The following RC3H1 variants were observed in gnomAD, a reference collection of about 807,000 sequenced individuals.
RC3H1 encodes ring finger and CCCH-type domains 1.
In RC3H1, 50 loss-of-function variants were observed where a neutral mutation model predicts 138.2. The ratio of observed to expected loss-of-function variants is 0.36; its 90% CI spans 0.29 to 0.46. The LOEUF (loss-of-function observed/expected upper bound fraction) is 0.46. Ranked by LOEUF, RC3H1 falls within the 20% of genes least tolerant of loss-of-function variation. The probability of loss-of-function intolerance (pLI) is 1.00; values close to 1 mark genes in which losing one functional copy is unlikely to be tolerated. For synonymous variants in RC3H1, 462 were observed against 489.1 expected, an observed-to-expected ratio of 0.94 and a Z score of 0.73; for missense variants, 1,031 against 1,388.1, an observed-to-expected ratio of 0.74 and a Z score of 4.09.
At chr1:173,977,242 A>G (rs1219894058) in intron 7 of RC3H1, among the ~76,000 whole-genome samples, 1 of 152,120 alleles carries the variant, frequency 6.6e-6, no homozygotes, top group Non-Finnish European at 1.5e-5. Context: ...GATTTCTTTT[A>G]CAGCAGTAAG....
chr1:173,980,688 G>T, intron 6 of RC3H1, 121 bp downstream of exon 6: 1 of 588,420 alleles, frequency 1.7e-6, no homozygotes, highest in South Asian at 3.2e-5. Context: ...GTTATGACAT[G>T]ACACTGGCTA....
chr1:173,948,905 C>G (rs774030935), intron 14 of RC3H1, among the ~76,000 whole-genome samples: 1 of 151,974 alleles, frequency 6.6e-6, no homozygotes, highest in Non-Finnish European at 1.5e-5. Flanking sequence ...TAATTCTTTA[C>G]TGATTTAAGA....
At position 173,931,514 on chromosome 1, in the gene RC3H1, C is replaced by A. The variant is rs1194139488; in HGVS notation, c.*7207G>T. 6.6e-6 allele frequency: 1 copy of A among 152,246 alleles called. No individual in the cohort carries two copies. Among genetic ancestry groups the A allele is most frequent in the African/African-American group, 2.4e-5 (1 of 41,548 alleles). The allele number at this position is 152,246 out of a possible 1,614,324, so 9.4% of individuals were successfully genotyped here. A position where few individuals can be genotyped will look rare whatever the true frequency, so the allele number is the denominator to read the frequency against. On this transcript the variant is annotated 3_prime_UTR_variant, in exon 20 of 20. Transcript: ENST00000367696. ...CCCTAGTACTCTCAAAAATCGGCAA[C>A]AAGTGGGAACATGTACTTATTTAGA...
At chr1:173,993,634 C>A (rs1488606466) in intron 1 of RC3H1, among the ~76,000 whole-genome samples, 1 of 151,830 alleles carries the variant, frequency 6.6e-6, no homozygotes. Context: ...CTCAGATGAT[C>A]CTCCCGCCTT....
At chr1:173,947,858 T>G (rs1207632411) in intron 14 of RC3H1, among the ~76,000 whole-genome samples, 2 of 151,996 alleles carry the variant, frequency 1.3e-5, no homozygotes, top group African/African-American at 4.8e-5. Flanking sequence ...TCCTCCCACC[T>G]CAGCCTCCTA....
Position 174,022,336 on chromosome 1 carries a change from C to T in RC3H1, c.-391G>A. 4 of 380,028 alleles carry T rather than the reference C, an allele frequency of 1.1e-5. No individual in the cohort carries two copies. Among genetic ancestry groups the T allele is most frequent in the East Asian group, 3.8e-5 (1 of 26,352 alleles). The allele number at this position is 380,028 out of a possible 1,614,324, so 23.5% of individuals were successfully genotyped here. On this transcript the variant is annotated 5_prime_UTR_variant, in exon 1 of 20. Coordinates refer to ENST00000367696, the MANE Select transcript of RC3H1 (RefSeq NM_172071.4). The surrounding 1 kb of genome is among the most constrained non-coding windows in gnomAD (Gnocchi z 4.2). ...CCTCCTCTTCCTCCTCCTCGTCCTC[C>T]GCCGCCCAGTCGCTCGTTGTCCTCG...
At chr1:173,984,855 C>T (rs966382485) in intron 2 of RC3H1, among the ~76,000 whole-genome samples, 9 of 152,106 alleles carry the variant, frequency 5.9e-5, no homozygotes, top group African/African-American at 2.2e-4. Flanking sequence ...GTTTAAAGTA[C>T]ATACAATTCC....
At chr1:173,964,769 T>G in intron 10 of RC3H1, 70 bp downstream of exon 10, 1 of 1,330,696 alleles carries the variant, frequency 7.5e-7, no homozygotes, top group Non-Finnish European at 1.0e-6. Flanking sequence ...ATCCCAAACA[T>G]TAATTATTCT....
intron 13 of RC3H1, among the ~76,000 whole-genome samples, chr1:173,957,446 C>T (rs886672693): frequency 2.0e-5 from 3 of 152,178 alleles, no homozygotes; most frequent in African/African-American, 7.2e-5. Flanking sequence ...TCAGTTTTTA[C>T]AATGTCATAT....
chr1:173,950,420 CAAAAA>C (rs60259705), intron 14 of RC3H1, among the ~76,000 whole-genome samples: 10 of 63,660 alleles, frequency 1.6e-4, no homozygotes, highest in East Asian at 1.1e-3. Flanking sequence ...TCATCTCTAC[CAAAAA>C]AAAAAAAAAA....
chr1:173,944,221 A>G (rs1571167240), intron 17 of RC3H1, among the ~76,000 whole-genome samples: 2 of 151,944 alleles, frequency 1.3e-5, no homozygotes, highest in African/African-American at 4.8e-5. Flanking sequence ...AGTCAACTAC[A>G]GATGTGCATC....
chr1:174,019,719 T>G (rs772901208), intron 1 of RC3H1, among the ~76,000 whole-genome samples: 10 of 152,174 alleles, frequency 6.6e-5, no homozygotes, highest in Admixed American at 1.3e-4. Flanking sequence ...TGAGAAAATG[T>G]GAACTTAAGT....
intron 9 of RC3H1, chr1:173,969,174 T>C (rs1660247031): frequency 6.6e-6 from 1 of 151,992 alleles, no homozygotes; most frequent in Non-Finnish European, 1.5e-5. Context: ...GACATTCAAT[T>C]TTATTCAAAG....
intron 18 of RC3H1, among the ~76,000 whole-genome samples, chr1:173,942,712 C>T (rs1015953502): frequency 2.0e-5 from 3 of 151,894 alleles, no homozygotes; most frequent in Non-Finnish European, 4.4e-5. Context: ...GGCGCCTAGT[C>T]CCAGCTACTT....
intron 13 of RC3H1, among the ~76,000 whole-genome samples, chr1:173,956,738 G>T (rs1323489429): frequency 1.3e-5 from 2 of 150,720 alleles, no homozygotes; most frequent in Non-Finnish European, 1.5e-5. Flanking sequence ...ATTATAATGT[G>T]TCTACTAAAA....
At chr1:174,016,657 A>C (rs1414258509) in intron 1 of RC3H1, among the ~76,000 whole-genome samples, 1 of 151,702 alleles carries the variant, frequency 6.6e-6, no homozygotes, top group Non-Finnish European at 1.5e-5. Flanking sequence ...TTTTGTACTT[A>C]GATCTCCTAT....
In RC3H1 at chr1:173,964,201, A is replaced by G. The variant is rs770427614; in HGVS notation, c.1617-14T>C. 1 of 1,581,160 alleles carries G rather than the reference A, an allele frequency of 6.3e-7. No homozygotes were observed. The highest frequency in any genetic ancestry group is 8.7e-7 in the Non-Finnish European group (1 of 1,150,292). The stretch of plus-strand genomic sequence containing the variant: ...ACAGATTCTAGCCTAAGGGAATAAT[A>G]TTATGGAAGTTGTTTAAAAAATACT... On this transcript the variant is annotated splice_polypyrimidine_tract_variant and intron_variant, in intron 10 of 19. Transcript: ENST00000367696.
chr1:173,946,875 T>C (rs767110921), intron 15 of RC3H1, 39 bp from the exon 16 acceptor site: 12 of 1,344,292 alleles, frequency 8.9e-6, no homozygotes, highest in Admixed American at 3.4e-5. Context: ...ATTCACAGAT[T>C]TGATTCTTCT....
chr1:173,975,241 GC>G (rs1347332106), intron 7 of RC3H1, among the ~76,000 whole-genome samples: 1 of 152,032 alleles, frequency 6.6e-6, no homozygotes, highest in East Asian at 1.9e-4. Flanking sequence ...GACTACAGGT[GC>G]CTGCCACCAC....
Sources: allele counts gnomAD v4.1 joint callset (sites outside exome capture counted in the v4.1 genomes callset), GRCh38; gene constraint gnomAD v4.1.1; non-coding constraint Gnocchi (gnomAD v3.1); transcripts MANE v1.5; gene names NCBI Gene and HGNC (gene_info 2026-07-23, HGNC 2026-07-21).